The following MED16 variants were observed in gnomAD, a reference collection of about 807,000 sequenced individuals.
The protein encoded by MED16 is mediator complex subunit 16, also known as mediator of RNA polymerase II transcription subunit 16.
Under a neutral mutation model 84.4 loss-of-function variants are expected in MED16, and 81 were observed. That is an observed-to-expected ratio of 0.96 (90% CI 0.80 to 1.15). MED16 has a LOEUF of 1.15. Among genes scored for constraint, MED16 ranks in the 50% most tolerant of loss-of-function variants. The pLI is 0.00. For synonymous variants in MED16, 897 were observed against 552.2 expected (o/e 1.62, Z -8.76); for missense variants, 1,585 against 1,245.9 (o/e 1.27, Z -4.10).
At position 881,544 on chromosome 19, in the gene MED16, C is replaced by T; in HGVS notation, c.1141+15G>A. The T allele has an allele frequency of 1.9e-6, 3 of 1,601,498 alleles. No homozygotes were observed. Among genetic ancestry groups the T allele is most frequent in the Non-Finnish European group, 2.6e-6 (3 of 1,172,682 alleles). On this transcript the variant is annotated intron_variant, in intron 7 of 15. Coordinates refer to ENST00000325464, the MANE Select transcript of MED16 (RefSeq NM_005481.3). ...GAACTGAGGCCCCGCGTGGCTGCCG[C>T]TGGCTCCACCGTACCGAGGCCAGGG...
At position 890,190 on chromosome 19, in the gene MED16, G is replaced by T; in HGVS notation, c.224C>A (p.Ser75Ter). The change falls in exon 3 of 16, where the codon TCG becomes TAG. Residue 75 changes from serine to a stop codon, truncating the protein, a stop_gained. Transcript: ENST00000325464. LOFTEE classifies it high-confidence loss of function. Reference sequence around the variant, plus strand: ...GGCCTCGTGGTGCTCTGAGGGGATCGAGTGCAGGTCCCAGGGGTGCTCCGT... The same window carrying T: ...GGCCTCGTGGTGCTCTGAGGGGATCTAGTGCAGGTCCCAGGGGTGCTCCGT... ...LDTEHPWDLH[S>*]IPSEHHEAIT... is the part of the protein sequence containing the mutation. 1 of 1,554,748 alleles carries T rather than the reference G, an allele frequency of 6.4e-7. No individual in the cohort carries two copies. Among genetic ancestry groups the T allele is most frequent in the South Asian group, 1.2e-5 (1 of 84,238 alleles).
chr19:872,431 G>C (rs912429770), intron 11 of MED16, among the ~76,000 whole-genome samples: 1 of 152,046 alleles, frequency 6.6e-6, no homozygotes, highest in Non-Finnish European at 1.5e-5. Context: ...CCCTCCTACA[G>C]CTGCGGGCCC....
rs771076722 is a variant in MED16, at chr19:889,696, G to T, written c.389C>A (p.Pro130His). 1.2e-6 allele frequency: 2 copies of T among 1,613,870 alleles called. No homozygotes were observed. The highest frequency in any genetic ancestry group is 1.1e-5 in the South Asian group (1 of 91,050). The change falls in exon 4 of 16, where the codon CCC becomes CAC. Residue 130 changes from proline (P) to histidine (H), a missense_variant. Transcript: ENST00000325464. Reference sequence around the variant, plus strand: ...GTGCAGCCAGGACAGGGCCACAATGGGGTCCCCCTCCACTAGGCTGCCCAC... The same window carrying T: ...GTGCAGCCAGGACAGGGCCACAATGTGGTCCCCCTCCACTAGGCTGCCCAC... ...SSVGSLVEGD[P>H]IVALSWLHNG...
At chr19:885,154 C>T in intron 5 of MED16, 146 bp from the exon 6 acceptor site, 1 of 623,336 alleles carries the variant, frequency 1.6e-6, no homozygotes, top group South Asian at 1.9e-5. Context: ...TCCTGGATTC[C>T]AGCCCAGGCC....
intron 4 of MED16, among the ~76,000 whole-genome samples, chr19:888,694 T>C (rs991664204): frequency 1.3e-5 from 2 of 151,818 alleles, no homozygotes; most frequent in African/African-American, 4.8e-5. Flanking sequence ...AAACAGGAAA[T>C]ACAGACAAAC....
chr19:885,852 C>T lies in MED16; in HGVS notation c.797G>A (p.Arg266His), dbSNP rs1318360500. The change falls in exon 5 of 16, where the codon CGC becomes CAC. Residue 266 changes from arginine to histidine, a missense_variant. Coordinates refer to ENST00000325464, the MANE Select transcript of MED16 (RefSeq NM_005481.3). ...DTEILPSLFM[R>H]CTTDLNRKDK... is the part of the protein sequence containing the mutation. ...CTTGCGGTTGAGGTCGGTGGTGCAGCGCATGAACAGGGAGGGCAGGATCTC... is the reference window on the plus strand; with the variant it reads ...CTTGCGGTTGAGGTCGGTGGTGCAGTGCATGAACAGGGAGGGCAGGATCTC... 1 of 1,613,818 alleles carries T rather than the reference C, an allele frequency of 6.2e-7. No individual in the cohort carries two copies. The highest frequency in any genetic ancestry group is 8.5e-7 in the Non-Finnish European group (1 of 1,179,982).
rs535725851 is a variant in MED16 at position 883,463 on chromosome 19, C to T, written c.985+1440G>A. 8.7e-5 allele frequency among the ~76,000 whole-genome samples: 12 copies of T among 138,398 alleles called. 1 individual carries two copies. The highest frequency in any genetic ancestry group is 2.8e-4 in the African/African-American group (10 of 35,470). 90.8% of individuals were successfully genotyped at this position (138,398 alleles called of 152,430 possible). A position where few individuals can be genotyped will look rare whatever the true frequency, so the allele number is the denominator to read the frequency against. ...GTGAAGAGCTGGGCATGGCGGGGAC[C>T]AAAGCCTGGCATGGTGGGCACGTGG... is the stretch of plus-strand genomic sequence containing the variant. On this transcript the variant is annotated intron_variant, in intron 6 of 15. Transcript: ENST00000325464.
At chr19:870,280 G>A (rs920288564) in intron 13 of MED16, among the ~76,000 whole-genome samples, 4 of 152,214 alleles carry the variant, frequency 2.6e-5, no homozygotes, top group Non-Finnish European at 4.4e-5. Flanking sequence ...ACCAAGGCAA[G>A]GCCGGGGCGG....
chr19:870,416 C>A (rs576320746), intron 13 of MED16, among the ~76,000 whole-genome samples: 1 of 152,100 alleles, frequency 6.6e-6, no homozygotes, highest in Admixed American at 6.6e-5. Flanking sequence ...CAAAAAATAC[C>A]TAGGTGTGGT....
chr19:872,680 T>C (rs887767110), intron 11 of MED16, among the ~76,000 whole-genome samples: 2 of 150,544 alleles, frequency 1.3e-5, no homozygotes, highest in African/African-American at 4.9e-5. Flanking sequence ...GTTGGAGCCC[T>C]GGTCAGGGGC....
chr19:882,562 G>A (rs1208555119), intron 6 of MED16, among the ~76,000 whole-genome samples: 1 of 152,218 alleles, frequency 6.6e-6, no homozygotes, highest in Non-Finnish European at 1.5e-5. Flanking sequence ...GAGAGCACGT[G>A]TGGGGGGTCC....
intron 8 of MED16, among the ~76,000 whole-genome samples, chr19:878,536 CGTGGTTGTCAATG>C: frequency 7.0e-6 from 1 of 142,900 alleles, no homozygotes; most frequent in South Asian, 2.3e-4. Context: ...CTCACCTTCC[CGTGGTTGTCAATG>C]CCCACCAGCC....
intron 3 of MED16, 116 bp downstream of exon 3, chr19:890,021 T>C: frequency 1.2e-6 from 1 of 862,216 alleles, no homozygotes; most frequent in South Asian, 1.7e-5. Flanking sequence ...GGTGCAAAGC[T>C]GCAGACCAGG....
intron 1 of MED16, 82 bp from the exon 2 acceptor site, chr19:891,231 C>G: frequency 3.0e-6 from 4 of 1,351,086 alleles, no homozygotes; most frequent in South Asian, 1.3e-5. Flanking sequence ...AGTGGGAAAA[C>G]AATGGAGGCC....
chr19:871,372 G>T, intron 12 of MED16, 119 bp from the exon 13 acceptor site: 1 of 1,319,678 alleles, frequency 7.6e-7, no homozygotes. Flanking sequence ...AGCTCTGTCT[G>T]CCTGGCTGGG....
At chr19:884,866 G>A in intron 6 of MED16, 37 bp downstream of exon 6, 1 of 1,537,394 alleles carries the variant, frequency 6.5e-7, no homozygotes, top group Non-Finnish European at 8.8e-7. Flanking sequence ...GCCCCCGAGG[G>A]CAGGCCCAGG....
chr19:874,174 G>C (rs1037029767), intron 10 of MED16, among the ~76,000 whole-genome samples: 2 of 151,796 alleles, frequency 1.3e-5, no homozygotes, highest in Admixed American at 6.6e-5. Flanking sequence ...AGTGCAGTGG[G>C]GTGATCTCAG....
chr19:891,188 G>C (rs1045712937), intron 1 of MED16, 39 bp from the exon 2 acceptor site: 2 of 1,562,136 alleles, frequency 1.3e-6, no homozygotes, highest in Admixed American at 1.8e-5. Flanking sequence ...TATGTTGGCT[G>C]AGCACCCAGG....
chr19:885,748 G>T (rs200093557), intron 5 of MED16, 22 bp downstream of exon 5: 1 of 1,597,156 alleles, frequency 6.3e-7, no homozygotes. Context: ...GCCAGCCCAC[G>T]TGATGGCCTG....
Sources: gnomAD v4.1 joint callset for allele counts (sites outside exome capture counted in the v4.1 genomes callset) on GRCh38, gnomAD v4.1.1 for gene constraint, MANE v1.5 for transcripts, NCBI Gene and HGNC (gene_info 2026-07-23, HGNC 2026-07-21) for gene names.